Variants in ARHGEF4 observed in about 807,000 individuals in gnomAD.
The protein encoded by ARHGEF4 is Rho guanine nucleotide exchange factor 4, also known as APC-stimulated guanine nucleotide exchange factor 1.
A neutral mutation model predicts 162.0 loss-of-function variants in ARHGEF4; 119 were observed. That is an observed-to-expected ratio of 0.73 (90% CI 0.63 to 0.86). The LOEUF is 0.86. ARHGEF4 is among the 40% of genes least tolerant of loss of function. The pLI, the probability that ARHGEF4 is intolerant of heterozygous loss-of-function variation, is 0.00. For missense variants in ARHGEF4, 2,488 were observed against 2,456.0 expected, an observed-to-expected ratio of 1.01 and a Z score of -0.28; for synonymous variants, 1,014 against 979.9, an observed-to-expected ratio of 1.03 and a Z score of -0.65.
chr2:130,969,608 A>AC (rs2105215916), intron 4 of ARHGEF4, among the ~76,000 whole-genome samples: 1 of 152,176 alleles, frequency 6.6e-6, no homozygotes, highest in East Asian at 1.9e-4. Flanking sequence ...CAAAAAAAAA[A>AC]AAATCATATG....
At chr2:130,849,283 A>T (rs1574092333) in intron 1 of ARHGEF4, among the ~76,000 whole-genome samples, 1 of 152,360 alleles carries the variant, frequency 6.6e-6, no homozygotes, top group African/African-American at 2.4e-5. Flanking sequence ...GCATATTGTC[A>T]TGCCAGGGGG....
chr2:131,045,972 C>T, intron 13 of ARHGEF4, 66 bp from the exon 14 acceptor site: 8 of 1,557,558 alleles, frequency 5.1e-6, no homozygotes, highest in Admixed American at 1.8e-5. Flanking sequence ...CCCATGCTGT[C>T]CCCAACAGCT....
rs543354009 is a variant in ARHGEF4, at chr2:130,931,929, A to G, written c.3858+672A>G. On this transcript the variant is annotated intron_variant, in intron 3 of 13. Coordinates refer to ENST00000409359, the MANE Select transcript of ARHGEF4 (RefSeq NM_001367493.1). The stretch of plus-strand genomic sequence containing the variant: ...TTTTTAAAACTGAGGTGAAATTCAC[A>G]TAATGTAGAATTAACCATGTTAAAG... Among the ~76,000 whole-genome samples the G allele has an allele frequency of 2.0e-5, 3 of 152,342 alleles. No homozygotes were observed. The South Asian group carries it at 6.2e-4, about 32-fold the overall frequency.
chr2:130,986,097 CTA>C (rs1462080301), intron 4 of ARHGEF4, among the ~76,000 whole-genome samples: 5 of 150,252 alleles, frequency 3.3e-5, no homozygotes, highest in South Asian at 2.1e-4. Flanking sequence ...TGTGTTGTGT[CTA>C]TTGTGTGTGC....
intron 4 of ARHGEF4, chr2:130,946,988 TG>T (rs1683663554): frequency 9.8e-6 from 2 of 203,578 alleles, no homozygotes; most frequent in Non-Finnish European, 2.1e-5. Flanking sequence ...CCCAGCACTT[TG>T]GGAGGCCAAG....
chr2:130,909,800 A>T (rs545083593), intron 1 of ARHGEF4, among the ~76,000 whole-genome samples: 1 of 152,242 alleles, frequency 6.6e-6, no homozygotes, highest in East Asian at 1.9e-4. Context: ...AGAACTTCTG[A>T]TTCCAGAATC....
At chr2:130,890,553 C>T (rs1343843960) in intron 1 of ARHGEF4, among the ~76,000 whole-genome samples, 2 of 140,934 alleles carry the variant, frequency 1.4e-5, no homozygotes, top group South Asian at 4.6e-4. Flanking sequence ...TAGAGCGAGA[C>T]TCCGTTTAAA....
intron 4 of ARHGEF4, chr2:130,964,194 G>T (rs1310526912): frequency 1.7e-5 from 17 of 985,194 alleles, no homozygotes; most frequent in Non-Finnish European, 1.9e-5. Context: ...ACGGGGGCAT[G>T]CGCGGCGCCG....
chr2:130,901,328 G>A (rs1680475268), intron 1 of ARHGEF4, among the ~76,000 whole-genome samples: 2 of 152,128 alleles, frequency 1.3e-5, no homozygotes, highest in Admixed American at 6.5e-5. Context: ...CACCCTGCTG[G>A]GCTGGTGTGG....
At chr2:130,977,128 G>T (rs945004222) in intron 4 of ARHGEF4, among the ~76,000 whole-genome samples, 1 of 150,658 alleles carries the variant, frequency 6.6e-6, no homozygotes, top group Non-Finnish European at 1.5e-5. Flanking sequence ...ATGTGTTTGT[G>T]TGATGTCTGT....
At chr2:130,874,152 G>A (rs1574136771) in intron 1 of ARHGEF4, among the ~76,000 whole-genome samples, 1 of 152,318 alleles carries the variant, frequency 6.6e-6, no homozygotes. Context: ...CCCACGCTGG[G>A]GGATCTCCCT....
intron 1 of ARHGEF4, among the ~76,000 whole-genome samples, chr2:130,889,145 C>G (rs150531428): frequency 5.3e-4 from 80 of 151,930 alleles, no homozygotes; most frequent in African/African-American, 1.1e-3. Flanking sequence ...ACGTCTGTCT[C>G]TATTTGTTAA....
At chr2:130,951,173 A>AT (rs1390712485) in intron 4 of ARHGEF4, among the ~76,000 whole-genome samples, 2 of 152,196 alleles carry the variant, frequency 1.3e-5, no homozygotes, top group Admixed American at 1.3e-4. Context: ...TCCTATTGCA[A>AT]TCAGGCTGTT....
rs1486392188 is a variant in ARHGEF4 at position 130,915,311 on chromosome 2, T to C, written c.1365T>C (p.Pro455=). The C allele has an allele frequency of 3.9e-6, 6 of 1,550,618 alleles. No individual in the cohort carries two copies. The highest frequency in any genetic ancestry group is 5.2e-6 in the Non-Finnish European group (6 of 1,147,024). The change falls in exon 2 of 14, where the codon CCT becomes CCC. Residue 455 remains proline, a synonymous_variant. Transcript: ENST00000409359. ...TGAAGCTCAGTGCAGAGGAAGTGCC[T>C]GAGCCCGCTGAGTGCAAGTCAGAGC... ...ELVKLSAEEV[P]EPAECKSEQS... is the part of the protein sequence containing the mutation.
chr2:131,020,412 T>C (rs1405967429), intron 4 of ARHGEF4, among the ~76,000 whole-genome samples: 1 of 146,436 alleles, frequency 6.8e-6, no homozygotes, highest in Non-Finnish European at 1.5e-5. Flanking sequence ...ATTGTTCAAT[T>C]CCCACCTATG....
intron 1 of ARHGEF4, among the ~76,000 whole-genome samples, chr2:130,897,200 G>A (rs967532446): frequency 6.6e-6 from 1 of 152,166 alleles, no homozygotes; most frequent in African/African-American, 2.4e-5. Flanking sequence ...TAAAATGTAC[G>A]TGCCCTCACC....
At chr2:131,012,125 G>A (rs1688491972) in intron 4 of ARHGEF4, among the ~76,000 whole-genome samples, 1 of 152,154 alleles carries the variant, frequency 6.6e-6, no homozygotes, top group African/African-American at 2.4e-5. Flanking sequence ...GCAGTTTTGG[G>A]TGGGTGGTCA....
chr2:131,028,167 C>A (rs1689604510), intron 5 of ARHGEF4, 83 bp downstream of exon 5: 5 of 1,539,896 alleles, frequency 3.2e-6, no homozygotes, highest in Non-Finnish European at 4.4e-6. Flanking sequence ...AGGCCAGATG[C>A]CCACAGTCCA....
Position 131,046,585 on chromosome 2 carries a change from CTCTCTGGCCT to C in ARHGEF4, c.*400_*409del, listed in dbSNP as rs965099762. 6.0e-6 allele frequency: 1 copy of C among 166,154 alleles called. No individual in the cohort carries two copies. The highest frequency in any genetic ancestry group is 1.3e-5 in the Non-Finnish European group (1 of 77,252). 10.3% of individuals were successfully genotyped at this position (166,154 alleles called of 1,614,324 possible). A position where few individuals can be genotyped will look rare whatever the true frequency, so the allele number is the denominator to read the frequency against. On this transcript the variant is annotated 3_prime_UTR_variant, in exon 14 of 14. Transcript: ENST00000409359. Reference sequence around the variant, plus strand: ...CTCCTTTCATTTCCTCTGGGCAGGACTCTCTGGCCTTCTGTGGCCTGCAATGCCAGGCCAT... The same window carrying C: ...CTCCTTTCATTTCCTCTGGGCAGGACTCTGTGGCCTGCAATGCCAGGCCAT...
Sources: gnomAD v4.1 joint callset for allele counts (sites outside exome capture counted in the v4.1 genomes callset) on GRCh38, gnomAD v4.1.1 for gene constraint, MANE v1.5 for transcripts, NCBI Gene and HGNC (gene_info 2026-07-23, HGNC 2026-07-21) for gene names.